MBOAT2: variants seen among roughly 807,000 people sequenced by gnomAD.
The protein encoded by MBOAT2 is membrane bound glycerophospholipid O-acyltransferase 2, also known as membrane-bound glycerophospholipid O-acyltransferase 2.
A neutral mutation model predicts 63.4 loss-of-function variants in MBOAT2; 28 were observed. That is an observed-to-expected ratio of 0.44 (90% confidence interval 0.33 to 0.61). The LOEUF is 0.61. MBOAT2 is among the 20% of genes least tolerant of loss of function. The probability of loss-of-function intolerance (pLI) is 0.03; values close to 1 mark genes in which losing one functional copy is unlikely to be tolerated. For missense variants in MBOAT2, 470 were observed against 605.8 expected (o/e 0.78, Z 2.35); for synonymous variants, 211 against 215.6 (o/e 0.98, Z 0.19).
chr2:8,946,533 TAGA>T (rs1304273400), intron 2 of MBOAT2, among the ~76,000 whole-genome samples: 2 of 152,212 alleles, frequency 1.3e-5, no homozygotes, highest in African/African-American at 2.4e-5. Context: ...TTTTTCCAAC[TAGA>T]AGGTTTGTGG....
At chr2:8,966,864 A>G (rs1670032682) in intron 1 of MBOAT2, among the ~76,000 whole-genome samples, 1 of 152,222 alleles carries the variant, frequency 6.6e-6, no homozygotes, top group South Asian at 2.1e-4. Context: ...TGTGTCTAAC[A>G]TGGGGACTAG....
chr2:8,892,835 A>C (rs114801735), intron 4 of MBOAT2, among the ~76,000 whole-genome samples: 21 of 152,046 alleles, frequency 1.4e-4, no homozygotes, highest in South Asian at 2.1e-4. Context: ...GGCATGTTGG[A>C]GGATCAGTAC....
At chr2:8,897,349 C>T (rs1468103043) in intron 4 of MBOAT2, among the ~76,000 whole-genome samples, 1 of 152,150 alleles carries the variant, frequency 6.6e-6, no homozygotes, top group African/African-American at 2.4e-5. Flanking sequence ...CTTTGGATGG[C>T]TTCAGCAGTG....
Position 9,003,492 on chromosome 2 carries a change from G to C in MBOAT2, c.75+48C>G, listed in dbSNP as rs1201769665. Reference sequence around the variant, plus strand: ...CCCGGTCGGGTGGCACCGCGGCGGGGAGGGGCGGCGAGGGCGCGACGCCCG... The same window carrying C: ...CCCGGTCGGGTGGCACCGCGGCGGGCAGGGGCGGCGAGGGCGCGACGCCCG... On this transcript the variant is annotated intron_variant, in intron 1 of 12. Coordinates refer to ENST00000305997, the MANE Select transcript of MBOAT2 (RefSeq NM_138799.4). The surrounding 1 kb of genome is among the most constrained non-coding windows in gnomAD (Gnocchi z 5.4). 10 of 1,145,174 alleles carry C rather than the reference G, an allele frequency of 8.7e-6. No homozygotes were observed. Among genetic ancestry groups the C allele is most frequent in the Non-Finnish European group, 1.1e-5 (10 of 926,966 alleles). The allele number at this position is 1,145,174 out of a possible 1,614,324, so 70.9% of individuals were successfully genotyped here. A position where few individuals can be genotyped will look rare whatever the true frequency, so the allele number is the denominator to read the frequency against.
chr2:8,885,209 G>C (rs558023277), intron 5 of MBOAT2, among the ~76,000 whole-genome samples: 12 of 152,314 alleles, frequency 7.9e-5, no homozygotes, highest in Non-Finnish European at 1.8e-4. Context: ...TCGGAGTCAG[G>C]AATCATGGCG....
intron 3 of MBOAT2, among the ~76,000 whole-genome samples, chr2:8,920,031 G>T (rs1666464893): frequency 6.6e-6 from 1 of 152,136 alleles, no homozygotes; most frequent in African/African-American, 2.4e-5. Flanking sequence ...CTCCCAAAGT[G>T]CTGGGGTTAC....
intron 4 of MBOAT2, among the ~76,000 whole-genome samples, chr2:8,908,002 T>C (rs1665454185): frequency 6.6e-6 from 1 of 152,182 alleles, no homozygotes; most frequent in Non-Finnish European, 1.5e-5. Context: ...AGGCCTATTG[T>C]ATCTTGTTCA....
intron 7 of MBOAT2, among the ~76,000 whole-genome samples, chr2:8,875,554 C>G (rs978167735): frequency 1.3e-5 from 2 of 152,194 alleles, no homozygotes; most frequent in Non-Finnish European, 2.9e-5. Context: ...CATTAAGATT[C>G]TCCTTTTGCA....
At chr2:8,871,978 A>G (rs1030884801) in intron 8 of MBOAT2, among the ~76,000 whole-genome samples, 12 of 152,338 alleles carry the variant, frequency 7.9e-5, no homozygotes, top group East Asian at 1.9e-4. Flanking sequence ...AATTTATCCA[A>G]TGAAGCATTC....
At chr2:8,916,005 G>A (rs1437323825) in intron 3 of MBOAT2, among the ~76,000 whole-genome samples, 1 of 152,132 alleles carries the variant, frequency 6.6e-6, no homozygotes, top group East Asian at 1.9e-4. Context: ...AGGTCTGGTT[G>A]ATGAAGCATG....
intron 10 of MBOAT2, among the ~76,000 whole-genome samples, chr2:8,863,286 G>A (rs764203221): frequency 3.3e-5 from 5 of 152,124 alleles, no homozygotes; most frequent in South Asian, 2.1e-4. Context: ...AGATGACAGC[G>A]TATGCTAGCC....
chr2:8,934,451 G>C (rs1667524324), intron 3 of MBOAT2, among the ~76,000 whole-genome samples: 1 of 152,040 alleles, frequency 6.6e-6, no homozygotes, highest in Non-Finnish European at 1.5e-5. Flanking sequence ...TGGTGAAAGA[G>C]GCATCACACA....
intron 1 of MBOAT2, among the ~76,000 whole-genome samples, chr2:8,966,116 G>C (rs536779012): frequency 5.3e-5 from 8 of 152,292 alleles, no homozygotes; most frequent in African/African-American, 1.9e-4. Context: ...TGATGGAAAG[G>C]GGAGTGAGGA....
intron 9 of MBOAT2, among the ~76,000 whole-genome samples, chr2:8,868,105 T>C (rs577200354): frequency 1.3e-5 from 2 of 152,268 alleles, no homozygotes; most frequent in African/African-American, 4.8e-5. Context: ...AAGCATCATT[T>C]TCTTTAGGAC....
At chr2:8,876,323 A>C (rs1662696442) in intron 7 of MBOAT2, among the ~76,000 whole-genome samples, 1 of 152,204 alleles carries the variant, frequency 6.6e-6, no homozygotes, top group South Asian at 2.1e-4. Flanking sequence ...ATCTTGGTCA[A>C]ATCACTTAGC....
In MBOAT2 at chr2:8,862,270, C is replaced by G. The variant is rs1166005808; in HGVS notation, c.1185+320G>C. On this transcript the variant is annotated intron_variant, in intron 11 of 12. Coordinates refer to ENST00000305997, the MANE Select transcript of MBOAT2 (RefSeq NM_138799.4). This position sits in a 1 kb window ranked among gnomAD's most constrained non-coding sequence, Gnocchi z 4.3. ...AGGAAACATTTCTAAAATAAACCTA[C>G]CCATTCTGATCATCTTTATTTAACT... The G allele has an allele frequency of 7.7e-7, 1 of 1,295,196 alleles. No individual in the cohort carries two copies. Among genetic ancestry groups the G allele is most frequent in the African/African-American group, 1.5e-5 (1 of 66,210 alleles). The allele number at this position is 1,295,196 out of a possible 1,614,324, so 80.2% of individuals were successfully genotyped here.
chr2:8,971,535 A>G (rs1670457428), intron 1 of MBOAT2, among the ~76,000 whole-genome samples: 1 of 152,200 alleles, frequency 6.6e-6, no homozygotes, highest in Non-Finnish European at 1.5e-5. Context: ...GGCAGGAGAA[A>G]GAAATAAAGG....
intron 5 of MBOAT2, among the ~76,000 whole-genome samples, chr2:8,884,759 T>C (rs950141637): frequency 2.6e-5 from 4 of 152,228 alleles, no homozygotes; most frequent in African/African-American, 9.6e-5. Context: ...CCAAGAAAAG[T>C]AGACACAGAG....
chr2:8,947,409 T>C (rs1668491788), intron 2 of MBOAT2, among the ~76,000 whole-genome samples: 1 of 152,236 alleles, frequency 6.6e-6, no homozygotes, highest in African/African-American at 2.4e-5. Flanking sequence ...CTAAGATCAC[T>C]GATGAAGGCG....
Sources: gnomAD v4.1 joint callset for allele counts (sites outside exome capture counted in the v4.1 genomes callset) on GRCh38, gnomAD v4.1.1 for gene constraint, Gnocchi (gnomAD v3.1) non-coding constraint, MANE v1.5 for transcripts, NCBI Gene and HGNC (gene_info 2026-07-23, HGNC 2026-07-21) for gene names.